The following IGF1R variants were observed in gnomAD, a reference collection of about 807,000 sequenced individuals.
IGF1R encodes the protein insulin-like growth factor 1 receptor.
In IGF1R, 44 loss-of-function variants were observed where a neutral mutation model predicts 144.6. The ratio of observed to expected loss-of-function variants is 0.30; its 90% CI spans 0.24 to 0.39. The LOEUF (loss-of-function observed/expected upper bound fraction) is 0.39, where lower values mean the gene tolerates loss of function less well. Ranked by LOEUF, IGF1R falls within the 10% of genes least tolerant of loss-of-function variation. The pLI, the probability that IGF1R is intolerant of heterozygous loss-of-function variation, is 1.00. For synonymous variants in IGF1R, 795 were observed against 722.8 expected (o/e 1.10, Z -1.60); for missense variants, 1,355 against 1,833.7 (o/e 0.74, Z 4.77).
At chr15:98,818,990 G>A (rs2056753192) in intron 2 of IGF1R, among the ~76,000 whole-genome samples, 1 of 152,162 alleles carries the variant, frequency 6.6e-6, no homozygotes, top group Admixed American at 6.5e-5. Flanking sequence ...AGGGGGTGGA[G>A]GCTTCCATTC....
intron 2 of IGF1R, among the ~76,000 whole-genome samples, chr15:98,752,159 C>G (rs2055027661): frequency 6.6e-6 from 1 of 152,156 alleles, no homozygotes; most frequent in South Asian, 2.1e-4. Context: ...CCTTCCAGAC[C>G]TTCCTGCCTC....
intron 2 of IGF1R, among the ~76,000 whole-genome samples, chr15:98,730,076 C>G (rs1019073347): frequency 5.3e-5 from 8 of 152,182 alleles, no homozygotes; most frequent in Admixed American, 5.2e-4. Flanking sequence ...ATTCATCCCA[C>G]TGGATGTCTG....
At chr15:98,795,920 T>C (rs2056231061) in intron 2 of IGF1R, among the ~76,000 whole-genome samples, 2 of 152,354 alleles carry the variant, frequency 1.3e-5, no homozygotes, top group African/African-American at 4.8e-5. Context: ...GCAAATAGGA[T>C]AGCTAAATCA....
intron 2 of IGF1R, among the ~76,000 whole-genome samples, chr15:98,842,209 G>A (rs966202126): frequency 6.6e-6 from 1 of 152,130 alleles, no homozygotes; most frequent in African/African-American, 2.4e-5. Context: ...CTCTACAATC[G>A]AAGCTCAAAA....
intron 1 of IGF1R, among the ~76,000 whole-genome samples, chr15:98,692,450 C>G (rs2053499664): frequency 6.6e-6 from 1 of 152,188 alleles, no homozygotes; most frequent in South Asian, 2.1e-4. Context: ...TCAAGCAGTC[C>G]TGCTCCTTTG....
intron 2 of IGF1R, among the ~76,000 whole-genome samples, chr15:98,845,005 C>T (rs1430260409): frequency 1.3e-5 from 2 of 152,142 alleles, no homozygotes; most frequent in African/African-American, 2.4e-5. Context: ...ATCAGGCACC[C>T]TCTCCACACA....
intron 2 of IGF1R, among the ~76,000 whole-genome samples, chr15:98,798,109 A>G (rs1182781098): frequency 6.6e-6 from 1 of 152,182 alleles, no homozygotes; most frequent in Non-Finnish European, 1.5e-5. Context: ...TGTCAGGGTT[A>G]TAGAAGTGGA....
At chr15:98,675,499 T>C (rs1183402403) in intron 1 of IGF1R, among the ~76,000 whole-genome samples, 3 of 152,208 alleles carry the variant, frequency 2.0e-5, no homozygotes, top group Non-Finnish European at 4.4e-5. Context: ...GTGTCTGTCA[T>C]CCATACTCCA....
At chr15:98,904,965 C>A (rs78607695) in intron 5 of IGF1R, among the ~76,000 whole-genome samples, 1 of 152,316 alleles carries the variant, frequency 6.6e-6, no homozygotes, top group East Asian at 1.9e-4. Flanking sequence ...TTAGCCCATC[C>A]AATTCTTCCA....
rs187839886 is a variant in IGF1R at position 98,747,290 on chromosome 15, G to A, written c.640+39183G>A. ...CGGCTCACTGCAACCTCCACCTCCC[G>A]GGTTCAAGTGATTCTCCTGCCTCAG... On this transcript the variant is annotated intron_variant, in intron 2 of 20. Transcript: ENST00000650285. Among the ~76,000 whole-genome samples, 175 of 152,066 alleles carry A rather than the reference G, an allele frequency of 1.2e-3. 1 individual carries two copies. Among genetic ancestry groups the A allele is most frequent in the Middle Eastern group, 3.4e-3 (1 of 294 alleles).
intron 2 of IGF1R, among the ~76,000 whole-genome samples, chr15:98,857,151 T>A (rs1164142221): frequency 6.6e-6 from 1 of 152,242 alleles, no homozygotes; most frequent in Non-Finnish European, 1.5e-5. Context: ...GGAAAGCTGA[T>A]GCTTTAAAGA....
At chr15:98,922,034 C>G (rs1448012111) in intron 10 of IGF1R, 114 bp from the exon 11 acceptor site, 5 of 1,125,438 alleles carry the variant, frequency 4.4e-6, no homozygotes, top group Non-Finnish European at 6.7e-6. Context: ...CCTAAGGGGG[C>G]TCAATAGCTC....
rs569012012 is a variant in IGF1R at position 98,916,614 on chromosome 15, C to A, written c.1997-58C>A. On this transcript the variant is annotated intron_variant, in intron 9 of 20. Coordinates refer to ENST00000650285, the MANE Select transcript of IGF1R (RefSeq NM_000875.5). ...TACTGAGAGCTATTATTTTTCCTTA[C>A]AAGCATGTATAACGGCTTTCATTCC... 1.1e-5 allele frequency: 15 copies of A among 1,422,984 alleles called. No individual in the cohort carries two copies. In the South Asian group the frequency reaches 1.6e-4, roughly 15 times the overall value. The allele number at this position is 1,422,984 out of a possible 1,614,324, so 88.1% of individuals were successfully genotyped here. A position where few individuals can be genotyped will look rare whatever the true frequency, so the allele number is the denominator to read the frequency against.
chr15:98,788,058 CTCTCTGTGTGTGTG>C (rs1212227596), intron 2 of IGF1R, among the ~76,000 whole-genome samples: 16 of 128,078 alleles, frequency 1.2e-4, no homozygotes, highest in Middle Eastern at 3.9e-3. Context: ...CTCTCTCTCT[CTCTCTGTGTGTGTG>C]TGTGTGTGTG....
intron 20 of IGF1R, among the ~76,000 whole-genome samples, chr15:98,952,615 C>CT (rs1310490783): frequency 6.6e-6 from 1 of 152,122 alleles, no homozygotes. Context: ...TGTGCTTTCT[C>CT]TTTGACTCGG....
intron 2 of IGF1R, among the ~76,000 whole-genome samples, chr15:98,769,962 G>A (rs898548306): frequency 6.6e-6 from 1 of 151,882 alleles, no homozygotes; most frequent in Non-Finnish European, 1.5e-5. Context: ...TTAATCTCCC[G>A]CCTTTGTCTT....
At chr15:98,749,105 T>C (rs1415433613) in intron 2 of IGF1R, among the ~76,000 whole-genome samples, 2 of 152,228 alleles carry the variant, frequency 1.3e-5, no homozygotes, top group Admixed American at 6.5e-5. Flanking sequence ...CCTATTTCTT[T>C]CCTTGTTTAA....
At chr15:98,911,466 C>T in intron 7 of IGF1R, 25 bp downstream of exon 7, 3 of 1,614,022 alleles carry the variant, frequency 1.9e-6, no homozygotes, top group Non-Finnish European at 2.5e-6. Context: ...TGGGTGATGC[C>T]ATTCTGTTGA....
At chr15:98,917,977 T>C (rs968552078) in intron 10 of IGF1R, among the ~76,000 whole-genome samples, 1 of 152,216 alleles carries the variant, frequency 6.6e-6, no homozygotes, top group Non-Finnish European at 1.5e-5. Flanking sequence ...TTAAAATGAT[T>C]AAAATGGCAA....
Sources: allele counts gnomAD v4.1 joint callset (sites outside exome capture counted in the v4.1 genomes callset), GRCh38; gene constraint gnomAD v4.1.1; transcripts MANE v1.5; gene names NCBI Gene and HGNC (gene_info 2026-07-23, HGNC 2026-07-21).